NRG1: variants seen among roughly 807,000 people sequenced by gnomAD.
NRG1 encodes neuregulin 1.
NRG1 carries 18 observed loss-of-function variants against 63.8 expected under a neutral mutation model. The ratio of observed to expected loss-of-function variants is 0.28; its 90% CI spans 0.19 to 0.42. The LOEUF (loss-of-function observed/expected upper bound fraction) is 0.42, where lower values mean the gene tolerates loss of function less well. Ranked by LOEUF, NRG1 falls within the 10% of genes least tolerant of loss-of-function variation. NRG1 has a pLI of 1.00. For synonymous variants in NRG1, 302 were observed against 301.3 expected (o/e 1.00, Z -0.02); for missense variants, 762 against 814.7 (o/e 0.94, Z 0.79).
chr8:32,766,094 T>C (rs1288135906), exon 12 of NRG1: 2 of 152,124 alleles, frequency 1.3e-5, no homozygotes, highest in Non-Finnish European at 2.9e-5. Flanking sequence ...AATTGCTTCT[T>C]TTTTGCGGGT....
chr8:32,683,540 G>T (rs909205621), intron 5 of NRG1, among the ~76,000 whole-genome samples: 1 of 152,074 alleles, frequency 6.6e-6, no homozygotes, highest in African/African-American at 2.4e-5. Context: ...ATTCACAATG[G>T]ATATTCAGAC....
At chr8:32,738,416 G>A (rs1825615044) in intron 6 of NRG1, among the ~76,000 whole-genome samples, 1 of 124,670 alleles carries the variant, frequency 8.0e-6, no homozygotes, top group Admixed American at 9.3e-5. Context: ...GAAACGAATG[G>A]TATATACATA....
intron 1 of NRG1, among the ~76,000 whole-genome samples, chr8:32,450,090 T>C (rs966778617): frequency 2.0e-5 from 3 of 152,114 alleles, no homozygotes; most frequent in African/African-American, 2.4e-5. Flanking sequence ...GGCAGGTAAA[T>C]ATGATAGAGC....
intron 1 of NRG1, among the ~76,000 whole-genome samples, chr8:31,792,550 A>T (rs1253472465): frequency 2.6e-5 from 4 of 152,228 alleles, no homozygotes; most frequent in Non-Finnish European, 4.4e-5. Flanking sequence ...CTCAGATTTT[A>T]AAAAAATTGT....
intron 1 of NRG1, among the ~76,000 whole-genome samples, chr8:32,434,865 A>C (rs1374626717): frequency 6.6e-6 from 1 of 152,194 alleles, no homozygotes; most frequent in Admixed American, 6.5e-5. Context: ...CATATTGGGT[A>C]TTGTAAGTAA....
chr8:32,057,435 A>G (rs897324763), intron 1 of NRG1, among the ~76,000 whole-genome samples: 3 of 152,112 alleles, frequency 2.0e-5, no homozygotes, highest in Admixed American at 1.3e-4. Context: ...AACGATAAAC[A>G]TTTGTCCTAA....
intron 1 of NRG1, among the ~76,000 whole-genome samples, chr8:31,799,258 G>T (rs1311257488): frequency 2.0e-5 from 3 of 152,168 alleles, no homozygotes; most frequent in Middle Eastern, 6.8e-3. Context: ...CAATAATGGG[G>T]TTACTACATA....
chr8:31,778,908 G>C (rs913593973), intron 1 of NRG1, among the ~76,000 whole-genome samples: 3 of 152,196 alleles, frequency 2.0e-5, no homozygotes, highest in African/African-American at 7.2e-5. Context: ...TTTATGGGTT[G>C]GAAGTTGATT....
At chr8:32,046,480 C>CA (rs1282423287) in intron 1 of NRG1, among the ~76,000 whole-genome samples, 7 of 151,840 alleles carry the variant, frequency 4.6e-5, no homozygotes, top group Non-Finnish European at 1.0e-4. Context: ...TTTATGTTCA[C>CA]AAAAAACCAT....
chr8:32,232,167 G>T (rs1847026920), intron 1 of NRG1, among the ~76,000 whole-genome samples: 1 of 152,096 alleles, frequency 6.6e-6, no homozygotes, highest in Non-Finnish European at 1.5e-5. Context: ...GCCTCCCAAA[G>T]TGCTGGGATT....
chr8:31,868,158 A>T (rs1377704798), intron 1 of NRG1, among the ~76,000 whole-genome samples: 5 of 143,488 alleles, frequency 3.5e-5, no homozygotes, highest in African/African-American at 1.1e-4. Flanking sequence ...ACACACACAC[A>T]CACACACACA....
chr8:32,366,016 T>C (rs1009937985), intron 1 of NRG1, among the ~76,000 whole-genome samples: 1 of 152,210 alleles, frequency 6.6e-6, no homozygotes, highest in African/African-American at 2.4e-5. Context: ...ATGTATATTT[T>C]TAACATTGGA....
chr8:32,162,821 T>C (rs1397951272), intron 1 of NRG1, among the ~76,000 whole-genome samples: 1 of 152,178 alleles, frequency 6.6e-6, no homozygotes, highest in Admixed American at 6.5e-5. Flanking sequence ...AGATATGAGC[T>C]GTGTGTAATT....
chr8:32,088,433 T>A (rs183407535), intron 1 of NRG1, among the ~76,000 whole-genome samples: 6 of 152,152 alleles, frequency 3.9e-5, no homozygotes, highest in African/African-American at 1.4e-4. Flanking sequence ...TCCATCATAG[T>A]TAATGGGCTA....
intron 5 of NRG1, among the ~76,000 whole-genome samples, chr8:32,639,148 A>G (rs899937882): frequency 2.6e-5 from 4 of 152,138 alleles, no homozygotes; most frequent in African/African-American, 9.7e-5. Context: ...GCTCATGCCT[A>G]TAATCCTAGC....
At chr8:31,874,614 C>T (rs1314725850) in intron 1 of NRG1, among the ~76,000 whole-genome samples, 1 of 152,180 alleles carries the variant, frequency 6.6e-6, no homozygotes, top group Non-Finnish European at 1.5e-5. Flanking sequence ...TTCAATTATA[C>T]ATTTTTAGTT....
intron 11 of NRG1, 34 bp from the exon 12 acceptor site, chr8:32,763,714 C>G: frequency 6.6e-7 from 1 of 1,516,036 alleles, no homozygotes; most frequent in Non-Finnish European, 8.8e-7. Flanking sequence ...TCTTATTGCA[C>G]CACACTTATG....
intron 1 of NRG1, among the ~76,000 whole-genome samples, chr8:31,834,307 G>GCACGCACACACACA (rs373890145): frequency 0.065 from 7,729 of 119,458 alleles, 381 homozygotes; most frequent in Admixed American, 0.18. Flanking sequence ...GCGCACGCGC[G>GCACGCACACACACA]CACACACACA....
intron 1 of NRG1, among the ~76,000 whole-genome samples, chr8:32,463,110 A>G (rs1348406870): frequency 2.0e-5 from 3 of 151,172 alleles, no homozygotes; most frequent in African/African-American, 4.9e-5. Flanking sequence ...AGGTTCATTC[A>G]TGTTGTTGCA....
Sources: gnomAD v4.1 joint callset for allele counts (sites outside exome capture counted in the v4.1 genomes callset) on GRCh38, gnomAD v4.1.1 for gene constraint, MANE v1.5 for transcripts, NCBI Gene and HGNC (gene_info 2026-07-23, HGNC 2026-07-21) for gene names.